The following LRRIQ1 variants were observed in gnomAD, a reference collection of about 807,000 sequenced individuals.
LRRIQ1 encodes leucine rich repeats and IQ motif containing 1, also known as leucine-rich repeat- and IQ domain-containing protein 1.
Under a neutral mutation model 211.9 loss-of-function variants are expected in LRRIQ1, and 210 were observed. The observed-to-expected ratio is 0.99, with a 90% confidence interval of 0.89 to 1.11. The LOEUF (loss-of-function observed/expected upper bound fraction) is 1.11, where lower values mean the gene tolerates loss of function less well. Ranked by LOEUF, LRRIQ1 falls within the 50% of genes most tolerant of loss-of-function variation. The pLI is 0.00. For synonymous variants in LRRIQ1, 699 were observed against 650.1 expected (o/e 1.08, Z -1.14); for missense variants, 2,136 against 1,939.5 (o/e 1.10, Z -1.90).
intron 6 of LRRIQ1, chr12:85,047,700 G>T: frequency 2.5e-6 from 1 of 404,162 alleles, no homozygotes; most frequent in Non-Finnish European, 4.5e-6. Context: ...GGCCAATGGA[G>T]TCTATGAATT....
intron 24 of LRRIQ1, among the ~76,000 whole-genome samples, chr12:85,195,056 T>G (rs1260121299): frequency 1.3e-5 from 2 of 152,034 alleles, no homozygotes; most frequent in African/African-American, 4.8e-5. Flanking sequence ...TCTATGCAAA[T>G]AAACTAGAAA....
intron 1 of LRRIQ1, among the ~76,000 whole-genome samples, chr12:85,252,589 T>A (rs1257635780): frequency 6.6e-6 from 1 of 151,874 alleles, no homozygotes; most frequent in African/African-American, 2.4e-5. Context: ...ATTTATGGAA[T>A]TCTGTGAAAG....
At chr12:85,232,056 A>T (rs527617423) in intron 25 of LRRIQ1, among the ~76,000 whole-genome samples, 1 of 152,294 alleles carries the variant, frequency 6.6e-6, no homozygotes, top group East Asian at 1.9e-4. Context: ...AAAATGTTTC[A>T]TGATGAAATT....
intron 19 of LRRIQ1, among the ~76,000 whole-genome samples, chr12:85,138,854 C>G (rs1889329301): frequency 6.6e-6 from 1 of 151,438 alleles, no homozygotes; most frequent in Non-Finnish European, 1.5e-5. Flanking sequence ...CAAAGTTCTC[C>G]TTATCTTTTT....
chr12:85,066,613 G>T, intron 9 of LRRIQ1, 135 bp from the exon 10 acceptor site: 1 of 508,210 alleles, frequency 2.0e-6, no homozygotes, highest in Non-Finnish European at 3.2e-6. Context: ...AGTTTGCAGG[G>T]TTATCTTAGA....
Position 85,052,262 on chromosome 12 carries a change from G to A in LRRIQ1, c.753+11G>A, listed in dbSNP as rs373853668. The A allele has an allele frequency of 8.7e-6, 12 of 1,383,310 alleles. No individual in the cohort carries two copies. The African/African-American group carries it at 1.6e-4, about 19-fold the overall frequency. 85.7% of individuals were successfully genotyped at this position (1,383,310 alleles called of 1,614,324 possible). A position where few individuals can be genotyped will look rare whatever the true frequency, so the allele number is the denominator to read the frequency against. On this transcript the variant is annotated intron_variant, in intron 7 of 26. Coordinates refer to ENST00000393217, the MANE Select transcript of LRRIQ1 (RefSeq NM_001079910.2). ...TTTAAACAGCATGAGGTATCTATTTGTTGTTTTTATTTAGCACATTAAGCT... is the reference window on the plus strand; with the variant it reads ...TTTAAACAGCATGAGGTATCTATTTATTGTTTTTATTTAGCACATTAAGCT...
In LRRIQ1 at chr12:85,046,029, G is replaced by A. The variant is rs1879509768; in HGVS notation, c.346G>A (p.Glu116Lys). Residue 116 changes from glutamate to lysine, a missense_variant, in exon 5 of 27, where the codon GAA becomes AAA. Transcript: ENST00000393217. Reference protein sequence around the residue: ...SSEQLIKILSEIEKEEFMRSK... With the variant: ...SSEQLIKILSKIEKEEFMRSK... Reference sequence around the variant, plus strand: ...TCATTTAACCTCTTAGATATTATCTGAAATAGAAAAAGAAGAATTTATGAG... The same window carrying A: ...TCATTTAACCTCTTAGATATTATCTAAAATAGAAAAAGAAGAATTTATGAG... 3 of 1,597,172 alleles carry A rather than the reference G, an allele frequency of 1.9e-6. No individual in the cohort carries two copies. In the African/African-American group the frequency reaches 4.0e-5, roughly 21 times the overall value.
chr12:85,198,680 G>A (rs1255050381), intron 24 of LRRIQ1, among the ~76,000 whole-genome samples: 1 of 151,388 alleles, frequency 6.6e-6, no homozygotes, highest in Non-Finnish European at 1.5e-5. Context: ...CCATTCTCCT[G>A]CCTCAGCTTC....
At chr12:85,237,042 A>G (rs923337934) in intron 26 of LRRIQ1, among the ~76,000 whole-genome samples, 1 of 151,824 alleles carries the variant, frequency 6.6e-6, no homozygotes, top group African/African-American at 2.4e-5. Context: ...TGCAGAAAAT[A>G]GATATATTTA....
intron 19 of LRRIQ1, among the ~76,000 whole-genome samples, chr12:85,151,264 G>T (rs185096385): frequency 6.6e-6 from 1 of 151,462 alleles, no homozygotes; most frequent in African/African-American, 2.4e-5. Flanking sequence ...GGTATCCTAA[G>T]ACTAAATTTC....
At chr12:85,230,680 CA>C (rs1894890072) in intron 25 of LRRIQ1, among the ~76,000 whole-genome samples, 1 of 152,176 alleles carries the variant, frequency 6.6e-6, no homozygotes, top group Non-Finnish European at 1.5e-5. Context: ...GATATTTTTA[CA>C]TAGGTTTTCA....
intron 19 of LRRIQ1, among the ~76,000 whole-genome samples, chr12:85,151,788 T>A (rs913541710): frequency 6.6e-6 from 1 of 151,646 alleles, no homozygotes; most frequent in East Asian, 1.9e-4. Flanking sequence ...ATTGTTTAAT[T>A]CATTGCCACA....
At chr12:85,228,954 A>G (rs1040188804) in intron 24 of LRRIQ1, among the ~76,000 whole-genome samples, 2 of 152,192 alleles carry the variant, frequency 1.3e-5, no homozygotes, top group Non-Finnish European at 2.9e-5. Context: ...CCCTAAACCA[A>G]AAATGGAGCA....
In LRRIQ1 at chr12:85,070,908, T is replaced by C. The variant is rs1592736846; in HGVS notation, c.2696-1999T>C. On this transcript the variant is annotated intron_variant, in intron 10 of 26. Coordinates refer to ENST00000393217, the MANE Select transcript of LRRIQ1 (RefSeq NM_001079910.2). ...TTACTAATTTTAAGATTTATTTACA[T>C]TTTTTGTCCTTGCACTATCCCAAAC... is the stretch of plus-strand genomic sequence containing the variant. 2.0e-5 allele frequency among the ~76,000 whole-genome samples: 3 copies of C among 151,960 alleles called. No individual in the cohort carries two copies. In the East Asian group the frequency reaches 5.8e-4, roughly 29 times the overall value.
chr12:85,215,096 A>T (rs1461164146), intron 24 of LRRIQ1, among the ~76,000 whole-genome samples: 1 of 152,216 alleles, frequency 6.6e-6, no homozygotes, highest in Non-Finnish European at 1.5e-5. Flanking sequence ...ATTTGCAACC[A>T]GAGAAAGGCT....
At position 85,056,002 on chromosome 12, in the gene LRRIQ1, CG is replaced by C; in HGVS notation, c.1211del (p.Gly404AspfsTer7). 1 of 1,607,140 alleles carries C rather than the reference CG, an allele frequency of 6.2e-7. No individual in the cohort carries two copies. Among genetic ancestry groups the C allele is most frequent in the Non-Finnish European group, 8.5e-7 (1 of 1,177,564 alleles). ...LIISSALKKS[G>X]YNNKHLSLED... ...TAATAAGTAGTGCATTAAAGAAGAG[CG>C]GATATAATAACAAACATTTAAGTCT... On this transcript the variant is annotated frameshift_variant, in exon 8 of 27. Coordinates refer to ENST00000393217, the MANE Select transcript of LRRIQ1 (RefSeq NM_001079910.2). LOFTEE classifies it high-confidence loss of function.
intron 24 of LRRIQ1, among the ~76,000 whole-genome samples, chr12:85,205,785 T>C (rs983615179): frequency 6.6e-6 from 1 of 152,148 alleles, no homozygotes; most frequent in Non-Finnish European, 1.5e-5. Context: ...TATTGGAGGT[T>C]TTGTTCATTC....
intron 1 of LRRIQ1, among the ~76,000 whole-genome samples, chr12:85,262,207 A>G (rs1896320842): frequency 6.6e-6 from 1 of 152,116 alleles, no homozygotes; most frequent in Non-Finnish European, 1.5e-5. Context: ...AGTTTTTATT[A>G]TATATAAATA....
chr12:85,044,572 A>T (rs1249545370), intron 3 of LRRIQ1, 146 bp from the exon 4 acceptor site: 3 of 378,448 alleles, frequency 7.9e-6, no homozygotes, highest in Non-Finnish European at 1.5e-5. Context: ...ATTCTTAATA[A>T]TTTTTCTGTT....
Sources: allele counts gnomAD v4.1 joint callset (sites outside exome capture counted in the v4.1 genomes callset), GRCh38; gene constraint gnomAD v4.1.1; transcripts MANE v1.5; gene names NCBI Gene and HGNC (gene_info 2026-07-23, HGNC 2026-07-21).